SYT6: variants seen among roughly 807,000 people sequenced by gnomAD.
SYT6 encodes the protein synaptotagmin 6, also known as synaptotagmin-6.
In SYT6, 24 loss-of-function variants were observed where a neutral mutation model predicts 38.4. The observed-to-expected ratio is 0.62, with a 90% confidence interval of 0.45 to 0.88. SYT6 has a LOEUF of 0.88. Ranked by LOEUF, SYT6 falls within the 40% of genes least tolerant of loss-of-function variation. The pLI, the probability that SYT6 is intolerant of heterozygous loss-of-function variation, is 0.00. For missense variants in SYT6, 611 were observed against 621.0 expected, an observed-to-expected ratio of 0.98 and a Z score of 0.17; for synonymous variants, 265 against 241.9, an observed-to-expected ratio of 1.10 and a Z score of -0.89.
intron 4 of SYT6, 95 bp from the exon 5 acceptor site, chr1:114,099,360 C>T (rs1163659769): frequency 1.1e-5 from 14 of 1,305,764 alleles, no homozygotes; most frequent in Non-Finnish European, 1.5e-5. Context: ...CCTAGACCTA[C>T]TGCTGCTCAT....
At chr1:114,124,278 G>C (rs1677595425) in intron 3 of SYT6, among the ~76,000 whole-genome samples, 1 of 152,218 alleles carries the variant, frequency 6.6e-6, no homozygotes, top group Non-Finnish European at 1.5e-5. Flanking sequence ...GGTCCCCACT[G>C]CTCCTGGAAA....
intron 3 of SYT6, among the ~76,000 whole-genome samples, chr1:114,112,855 G>A (rs1245189210): frequency 6.6e-6 from 1 of 152,204 alleles, no homozygotes; most frequent in Non-Finnish European, 1.5e-5. Context: ...CTGGGGAGAG[G>A]GCAGACATCT....
chr1:114,111,726 C>T (rs749098503), intron 3 of SYT6, among the ~76,000 whole-genome samples: 29 of 57,516 alleles, frequency 5.0e-4, no homozygotes, highest in Non-Finnish European at 7.5e-4. Flanking sequence ...TCAGGACTTC[C>T]GAGAGGAACC....
In SYT6 at chr1:114,091,075, C is replaced by G. The variant is rs1378324329; in HGVS notation, c.*1059G>C. The G allele has an allele frequency of 6.5e-6, 1 of 152,850 alleles. No individual in the cohort carries two copies. Among genetic ancestry groups the G allele is most frequent in the East Asian group, 1.9e-4 (1 of 5,336 alleles). 9.5% of individuals were successfully genotyped at this position (152,850 alleles called of 1,614,324 possible). On this transcript the variant is annotated 3_prime_UTR_variant, in exon 8 of 8. Transcript: ENST00000610222. ...TCAAACTGCTATTTGGATTTCAAAA[C>G]TCCCCATTTGGAAAAGAACATTTAA... is the stretch of plus-strand genomic sequence containing the variant.
intron 1 of SYT6, among the ~76,000 whole-genome samples, chr1:114,147,070 A>G (rs874088): frequency 0.016 from 2,365 of 152,338 alleles, 59 homozygotes; most frequent in African/African-American, 0.054. Context: ...ACATTAATCA[A>G]CAGAGATAGC....
chr1:114,146,185 A>T (rs1371512278), intron 1 of SYT6, among the ~76,000 whole-genome samples: 2 of 152,180 alleles, frequency 1.3e-5, no homozygotes, highest in Non-Finnish European at 2.9e-5. Context: ...TCTTCACAGG[A>T]GATGCAAGGT....
chr1:114,122,174 C>T (rs771516627), intron 3 of SYT6, among the ~76,000 whole-genome samples: 8 of 152,240 alleles, frequency 5.3e-5, no homozygotes, highest in Admixed American at 1.3e-4. Flanking sequence ...AGGGCCTCAG[C>T]TTCCCTGTGA....
intron 3 of SYT6, among the ~76,000 whole-genome samples, chr1:114,121,156 A>T (rs1450323423): frequency 6.6e-6 from 1 of 152,124 alleles, no homozygotes; most frequent in Non-Finnish European, 1.5e-5. Flanking sequence ...ATCTGAGAAG[A>T]CCATGGCCCC....
chr1:114,101,093 G>T (rs1463700184), intron 4 of SYT6, among the ~76,000 whole-genome samples: 1 of 151,996 alleles, frequency 6.6e-6, no homozygotes, highest in Non-Finnish European at 1.5e-5. Context: ...TTGCTGTTTT[G>T]CCCAGTCTGG....
At chr1:114,122,157 C>G (rs994856140) in intron 3 of SYT6, among the ~76,000 whole-genome samples, 3 of 152,194 alleles carry the variant, frequency 2.0e-5, no homozygotes, top group South Asian at 2.1e-4. Context: ...GGTGCTGCAC[C>G]ATTATCAGGG....
rs1675300215 is a variant in SYT6, at chr1:114,091,527, G to A, written c.*607C>T. On this transcript the variant is annotated 3_prime_UTR_variant, in exon 8 of 8. Transcript: ENST00000610222. ...TGCCAGCGAAGAGCTTCAAAGACTAGTAATTCACCTCACAAAGGCTCTTCC... is the reference window on the plus strand; with the variant it reads ...TGCCAGCGAAGAGCTTCAAAGACTAATAATTCACCTCACAAAGGCTCTTCC... 6.5e-6 allele frequency: 1 copy of A among 152,796 alleles called. No homozygotes were observed. The highest frequency in any genetic ancestry group is 1.5e-5 in the Non-Finnish European group (1 of 68,432). The allele number at this position is 152,796 out of a possible 1,614,324, so 9.5% of individuals were successfully genotyped here.
chr1:114,153,690 G>T lies in SYT6; in HGVS notation c.83C>A (p.Pro28His). Residue 28 changes from proline (P) to histidine (H), a missense_variant, in exon 1 of 8, where the codon CCC (proline) becomes CAC (histidine). By Grantham distance (77) the Pro-to-His change is moderately conservative (BLOSUM62 -2). Coordinates refer to ENST00000610222, the MANE Select transcript of SYT6 (RefSeq NM_001253772.2). ...VLASLCRARP[P>H]PLGLDVETCR... Reference sequence around the variant, plus strand: ...AGTCTCCACGTCCAGCCCGAGAGGGGGCGGCCGGGCCCGGCACAGCGAGGC... The same window carrying T: ...AGTCTCCACGTCCAGCCCGAGAGGGTGCGGCCGGGCCCGGCACAGCGAGGC... The T allele has an allele frequency of 1.5e-6, 1 of 675,182 alleles. No individual in the cohort carries two copies. The highest frequency in any genetic ancestry group is 2.7e-6 in the Non-Finnish European group (1 of 370,366). The allele number at this position is 675,182 out of a possible 1,614,324, so 41.8% of individuals were successfully genotyped here. A position where few individuals can be genotyped will look rare whatever the true frequency, so the allele number is the denominator to read the frequency against.
Position 114,110,546 on chromosome 1 carries a change from G to A in SYT6, c.1072-6825C>T, listed in dbSNP as rs751132924. On this transcript the variant is annotated intron_variant, in intron 3 of 7. Coordinates refer to ENST00000610222, the MANE Select transcript of SYT6 (RefSeq NM_001253772.2). The stretch of plus-strand genomic sequence containing the variant: ...GGCTATGATACCAGAGTAAGCAAAG[G>A]GTAAGAGGGAGGTTAAGGGAGGACT... 1.1e-4 allele frequency among the ~76,000 whole-genome samples: 16 copies of A among 152,306 alleles called. No homozygotes were observed. In the Middle Eastern group the frequency reaches 0.01, roughly 97 times the overall value.
At chr1:114,096,430 G>A (rs1337568677) in intron 6 of SYT6, among the ~76,000 whole-genome samples, 1 of 152,194 alleles carries the variant, frequency 6.6e-6, no homozygotes, top group East Asian at 1.9e-4. Context: ...CTGCCCCAAA[G>A]GTCACAGGGC....
chr1:114,093,831 G>A (rs1181189694), intron 6 of SYT6, 28 bp from the exon 7 acceptor site: 2 of 1,610,994 alleles, frequency 1.2e-6, no homozygotes, highest in South Asian at 1.1e-5. Context: ...ATAAATAAAT[G>A]CCTGGTTGTT....
At chr1:114,122,201 C>T (rs1451837700) in intron 3 of SYT6, among the ~76,000 whole-genome samples, 2 of 152,210 alleles carry the variant, frequency 1.3e-5, no homozygotes, top group East Asian at 1.9e-4. Flanking sequence ...TCTTTGTTCT[C>T]CCTTCTCAAC....
intron 1 of SYT6, among the ~76,000 whole-genome samples, chr1:114,147,180 A>C (rs1425525221): frequency 1.3e-5 from 2 of 152,228 alleles, no homozygotes; most frequent in Non-Finnish European, 2.9e-5. Context: ...GACGTAACAC[A>C]AACTATGGTT....
intron 3 of SYT6, among the ~76,000 whole-genome samples, chr1:114,110,433 A>G (rs1676607891): frequency 6.6e-6 from 1 of 152,162 alleles, no homozygotes; most frequent in South Asian, 2.1e-4. Context: ...GTCCTGAAAG[A>G]TGGGGAGGAG....
At chr1:114,142,283 T>C (rs1367585052) in intron 1 of SYT6, among the ~76,000 whole-genome samples, 1 of 152,224 alleles carries the variant, frequency 6.6e-6, no homozygotes, top group Non-Finnish European at 1.5e-5. Flanking sequence ...TAAAAGAAGT[T>C]GATTCCAAAC....
Sources: allele counts gnomAD v4.1 joint callset (sites outside exome capture counted in the v4.1 genomes callset), GRCh38; gene constraint gnomAD v4.1.1; transcripts MANE v1.5; gene names NCBI Gene and HGNC (gene_info 2026-07-23, HGNC 2026-07-21).